The following SEC31A variants were observed in gnomAD, a reference collection of about 807,000 sequenced individuals.
The protein encoded by SEC31A is protein transport protein Sec31A.
A neutral mutation model predicts 151.0 loss-of-function variants in SEC31A; 70 were observed. The observed-to-expected ratio is 0.46, with a 90% CI of 0.38 to 0.57. The LOEUF is 0.57. Ranked by LOEUF, SEC31A falls within the 20% of genes least tolerant of loss-of-function variation. The pLI is 0.00. For missense variants in SEC31A, 1,330 were observed against 1,471.2 expected, an observed-to-expected ratio of 0.90 and a Z score of 1.57; for synonymous variants, 475 against 505.9, an observed-to-expected ratio of 0.94 and a Z score of 0.82.
upstream of SEC31A, chr4:82,895,598 A>G (rs971826866): frequency 2.0e-5 from 3 of 152,260 alleles, no homozygotes; most frequent in Non-Finnish European, 2.9e-5. Context: ...TTCAGAGTAC[A>G]GTATCCACAT....
intron 14 of SEC31A, among the ~76,000 whole-genome samples, chr4:82,859,601 G>A (rs1368387549): frequency 6.6e-6 from 1 of 151,942 alleles, no homozygotes; most frequent in Admixed American, 6.6e-5. Context: ...TGCACCATCT[G>A]CAAATACACT....
intron 20 of SEC31A, chr4:82,845,238 G>A: frequency 6.5e-7 from 1 of 1,534,946 alleles, no homozygotes; most frequent in Non-Finnish European, 8.7e-7. Context: ...TGGATGGCTG[G>A]GAAGGGCAGT....
intron 24 of SEC31A, among the ~76,000 whole-genome samples, chr4:82,826,501 C>T (rs1001542561): frequency 2.0e-5 from 3 of 152,114 alleles, no homozygotes; most frequent in Admixed American, 6.5e-5. Context: ...CTACAGGCGC[C>T]GCCACCACGC....
Position 82,879,617 on chromosome 4 carries a change from G to T in SEC31A, c.204-689C>A, listed in dbSNP as rs145359609. ...AAGCAGAAAAACTACTAGACAAAAG[G>T]TATCTGGGGTTCCCATCCCACTGTG... On this transcript the variant is annotated intron_variant, in intron 3 of 26. Coordinates refer to ENST00000395310, the MANE Select transcript of SEC31A (RefSeq NM_001077207.4). Among the ~76,000 whole-genome samples the T allele has an allele frequency of 5.4e-3, 828 of 152,276 alleles. 7 individuals are homozygous for T. Among genetic ancestry groups the T allele is most frequent in the African/African-American group, 0.016 (651 of 41,544 alleles).
chr4:82,843,005 C>T (rs772652761), intron 21 of SEC31A, among the ~76,000 whole-genome samples: 13 of 152,128 alleles, frequency 8.5e-5, no homozygotes, highest in African/African-American at 1.9e-4. Context: ...TCCAGATTAA[C>T]GGCTAACTCT....
intron 22 of SEC31A, among the ~76,000 whole-genome samples, chr4:82,841,657 C>A (rs547847046): frequency 4.4e-4 from 66 of 149,238 alleles, no homozygotes; most frequent in South Asian, 4.1e-3. Flanking sequence ...AACAAAAAAA[C>A]CCCAAAAACA....
intron 10 of SEC31A, among the ~76,000 whole-genome samples, chr4:82,866,255 GAGGTC>G (rs1194881172): frequency 6.6e-6 from 1 of 152,120 alleles, no homozygotes; most frequent in East Asian, 1.9e-4. Context: ...TGGATCACCT[GAGGTC>G]AGGAGTTCAA....
chr4:82,833,106 G>A (rs1261229261), intron 22 of SEC31A, among the ~76,000 whole-genome samples: 1 of 151,808 alleles, frequency 6.6e-6, no homozygotes, highest in African/African-American at 2.4e-5. Flanking sequence ...ACATGCACAC[G>A]TGTGTTTACT....
At position 82,853,663 on chromosome 4, in the gene SEC31A, T is replaced by G; in HGVS notation, c.2061A>C (p.Gln687His). ...CTGCACAAATATAGCAGAGACATGC[T>G]TGAGTCTGCAGGAGGCTATCTCCTT... The part of the protein sequence containing the change: ...ENEGDSLLQT[Q>H]ACLCYICAGN... The change falls in exon 18 of 27, where the codon CAA (glutamine) becomes CAC (histidine). Residue 687 changes from glutamine to histidine, a missense_variant. Transcript: ENST00000395310. 1 of 1,602,522 alleles carries G rather than the reference T, an allele frequency of 6.2e-7. No homozygotes were observed. Among genetic ancestry groups the G allele is most frequent in the Non-Finnish European group, 8.5e-7 (1 of 1,176,696 alleles).
rs138050719 is a variant in SEC31A at position 82,840,849 on chromosome 4, G to A, written c.2968+1291C>T. Among the ~76,000 whole-genome samples, 25 of 152,276 alleles carry A rather than the reference G, an allele frequency of 1.6e-4. No individual in the cohort carries two copies. The East Asian group carries it at 4.6e-3, about 28-fold the overall frequency. ...TTAAAACATGGTATACCTGTATAGG[G>A]CACTCACCACAAATGAACCTTAGAG... is the stretch of plus-strand genomic sequence containing the variant. On this transcript the variant is annotated intron_variant, in intron 22 of 26. Transcript: ENST00000395310.
intron 1 of SEC31A, among the ~76,000 whole-genome samples, chr4:82,884,951 T>C (rs1388883470): frequency 6.6e-6 from 1 of 152,204 alleles, no homozygotes; most frequent in Non-Finnish European, 1.5e-5. Flanking sequence ...TCTCATGGTA[T>C]CTCCTGAAAC....
chr4:82,822,867 G>A (rs1723670282), intron 25 of SEC31A, among the ~76,000 whole-genome samples: 1 of 152,142 alleles, frequency 6.6e-6, no homozygotes, highest in African/African-American at 2.4e-5. Flanking sequence ...CAGCTACTAG[G>A]GAGGCTGAGG....
upstream of SEC31A, chr4:82,894,202 T>C (rs961327724): frequency 2.6e-5 from 4 of 152,266 alleles, no homozygotes; most frequent in East Asian, 3.8e-4. Flanking sequence ...ATTCAAAAGC[T>C]GTTGCCATGA....
At chr4:82,845,144 T>A (rs1432955256) in intron 20 of SEC31A, 11 of 1,154,374 alleles carry the variant, frequency 9.5e-6, no homozygotes, top group Non-Finnish European at 6.2e-6. Flanking sequence ...AGAGAACATA[T>A]AACTGTATAT....
chr4:82,851,663 G>A, intron 18 of SEC31A, 59 bp from the exon 19 acceptor site: 1 of 1,411,948 alleles, frequency 7.1e-7, no homozygotes, highest in South Asian at 1.3e-5. Flanking sequence ...AGAGGAAGCA[G>A]GAAAAGATCA....
chr4:82,887,126 A>G (rs1740910796), intron 1 of SEC31A, among the ~76,000 whole-genome samples: 2 of 152,172 alleles, frequency 1.3e-5, no homozygotes, highest in Non-Finnish European at 2.9e-5. Flanking sequence ...GTTAAGGGGG[A>G]AAAGGTTATA....
intron 14 of SEC31A, 173 bp from the exon 15 acceptor site, chr4:82,857,937 T>C: frequency 2.1e-6 from 1 of 476,480 alleles, no homozygotes; most frequent in Admixed American, 3.6e-5. Flanking sequence ...CCCTAAATAT[T>C]ACCTCCCATT....
chr4:82,899,958 A>C (rs1720243083), intron 2 of SEC31A: 1 of 152,280 alleles, frequency 6.6e-6, no homozygotes, highest in African/African-American at 2.4e-5. Flanking sequence ...TATAACTAAG[A>C]CATTGTTCTA....
rs115213264 is a variant in SEC31A, at chr4:82,862,602, C to A, written c.1510-30G>T. 1.6e-4 allele frequency: 260 copies of A among 1,600,172 alleles called. 1 individual carries two copies. In the African/African-American group the frequency reaches 3.3e-3, roughly 20 times the overall value. On this transcript the variant is annotated intron_variant, in intron 12 of 26. Coordinates refer to ENST00000395310, the MANE Select transcript of SEC31A (RefSeq NM_001077207.4). Reference sequence around the variant, plus strand: ...AATAAAAATAACAGCTCACCTACTACATGGAATTCTATTTCAGAGCATCCA... The same window carrying A: ...AATAAAAATAACAGCTCACCTACTAAATGGAATTCTATTTCAGAGCATCCA...
Sources: allele counts gnomAD v4.1 joint callset (sites outside exome capture counted in the v4.1 genomes callset), GRCh38; gene constraint gnomAD v4.1.1; transcripts MANE v1.5; gene names NCBI Gene and HGNC (gene_info 2026-07-23, HGNC 2026-07-21).